SRSF11: variants seen among roughly 807,000 people sequenced by gnomAD.
The protein encoded by SRSF11 is serine and arginine rich splicing factor 11.
SRSF11 carries 9 observed loss-of-function variants against 56.0 expected under a neutral mutation model. That is an observed-to-expected ratio of 0.16 (90% CI 0.10 to 0.28). SRSF11 has a LOEUF of 0.28. Ranked by LOEUF, SRSF11 falls within the 10% of genes least tolerant of loss-of-function variation. SRSF11 has a pLI of 1.00. For missense variants in SRSF11, 421 were observed against 600.7 expected, an observed-to-expected ratio of 0.70 and a Z score of 3.13; for synonymous variants, 222 against 215.3, an observed-to-expected ratio of 1.03 and a Z score of -0.27.
chr1:70,250,467 C>T lies in SRSF11; in HGVS notation c.1221C>T (p.Asp407=). The T allele has an allele frequency of 6.2e-7, 1 of 1,600,912 alleles. No homozygotes were observed. The highest frequency in any genetic ancestry group is 2.2e-5 in the East Asian group (1 of 44,736). Residue 407 remains aspartate, a synonymous_variant, in exon 11 of 12, where the codon GAC becomes GAT. Transcript: ENST00000370949. The part of the protein sequence containing the change: ...KKKKSKDKEK[D]RERKSESDKD... ...AGAAGAGTAAAGATAAGGAAAAGGA[C>T]CGGGAAAGAAAATCAGAGAGTGATA...
At position 70,234,685 on chromosome 1, in the gene SRSF11, C is replaced by A. The variant is rs1673565767; in HGVS notation, c.448-11C>A. 1 of 1,581,228 alleles carries A rather than the reference C, an allele frequency of 6.3e-7. No individual in the cohort carries two copies. Among genetic ancestry groups the A allele is most frequent in the Non-Finnish European group, 8.6e-7 (1 of 1,169,084 alleles). ...TGAAGTTTTAAATAAATAAAATTTG[C>A]CATTTCACAGATTGGCGCTGTTCCA... is the stretch of plus-strand genomic sequence containing the variant. On this transcript the variant is annotated splice_polypyrimidine_tract_variant and intron_variant, in intron 3 of 11. Coordinates refer to ENST00000370949, the MANE Select transcript of SRSF11 (RefSeq NM_001350605.2).
chr1:70,213,903 AG>A (rs1669780801), intron 1 of SRSF11, among the ~76,000 whole-genome samples: 1 of 152,156 alleles, frequency 6.6e-6, no homozygotes, highest in East Asian at 1.9e-4. Flanking sequence ...AAGTGTTATG[AG>A]GATTGAAGGT....
intron 6 of SRSF11, 92 bp from the exon 7 acceptor site, chr1:70,239,347 C>T (rs1674807929): frequency 1.2e-6 from 1 of 831,638 alleles, no homozygotes; most frequent in Non-Finnish European, 1.9e-6. Context: ...CCACTTCAGC[C>T]TCTCATAGTG....
intron 5 of SRSF11, among the ~76,000 whole-genome samples, chr1:70,236,531 C>A (rs562339245): frequency 2.1e-3 from 312 of 151,920 alleles, no homozygotes; most frequent in African/African-American, 7.0e-3. Flanking sequence ...GGGGTTTCAC[C>A]GTGTTAGCCA....
chr1:70,220,334 A>G (rs553062019), upstream of SRSF11, among the ~76,000 whole-genome samples: 1 of 152,156 alleles, frequency 6.6e-6, no homozygotes, highest in South Asian at 2.1e-4. Context: ...TGTTTGGGGC[A>G]CTACAAGTCA....
intron 7 of SRSF11, among the ~76,000 whole-genome samples, chr1:70,243,059 A>G (rs927991847): frequency 3.9e-5 from 6 of 152,116 alleles, no homozygotes; most frequent in Non-Finnish European, 7.4e-5. Flanking sequence ...AATAACTCAA[A>G]TAGTTTATTG....
chr1:70,224,443 A>G (rs983149502), intron 1 of SRSF11, among the ~76,000 whole-genome samples: 3 of 152,108 alleles, frequency 2.0e-5, no homozygotes, highest in Admixed American at 2.0e-4. Context: ...CTTTTTTTCT[A>G]TAGCACCTGT....
Position 70,239,461 on chromosome 1 carries a change from G to A in SRSF11, c.741G>A (p.Arg247=), listed in dbSNP as rs200209651. ...TAGATAAGAAAGAAGAAAAAAGAAG[G>A]CATTCAAGATCAAGATCACGTTCTA... ...IEPDKKEEKR[R]HSRSRSRSRR... The change falls in exon 7 of 12, where the codon AGG becomes AGA. Residue 247 remains arginine (R), a synonymous_variant. Coordinates refer to ENST00000370949, the MANE Select transcript of SRSF11 (RefSeq NM_001350605.2). 1 of 1,606,580 alleles carries A rather than the reference G, an allele frequency of 6.2e-7. No individual in the cohort carries two copies. The highest frequency in any genetic ancestry group is 2.2e-5 in the East Asian group (1 of 44,542).
chr1:70,240,223 A>C (rs1675031116), intron 7 of SRSF11, among the ~76,000 whole-genome samples: 1 of 152,248 alleles, frequency 6.6e-6, no homozygotes, highest in Non-Finnish European at 1.5e-5. Context: ...TAATTCTGCT[A>C]CTATATTAAT....
rs1474510955 is a variant in SRSF11 at position 70,231,871 on chromosome 1, C to A, written c.338-397C>A. The A allele has an allele frequency of 2.0e-6, 3 of 1,492,050 alleles. No individual in the cohort carries two copies. The South Asian group carries it at 3.6e-5, about 18-fold the overall frequency. The allele number at this position is 1,492,050 out of a possible 1,614,324, so 92.4% of individuals were successfully genotyped here. A position where few individuals can be genotyped will look rare whatever the true frequency, so the allele number is the denominator to read the frequency against. ...GTGTGCTTTATAGTGAAGCAGCCGA[C>A]ACGAGTCGTTGTTCATAAAACAGCT... On this transcript the variant is annotated intron_variant, in intron 2 of 11. Coordinates refer to ENST00000370949, the MANE Select transcript of SRSF11 (RefSeq NM_001350605.2).
chr1:70,232,690 A>T (rs1421640490), intron 3 of SRSF11, among the ~76,000 whole-genome samples: 1 of 152,212 alleles, frequency 6.6e-6, no homozygotes, highest in African/African-American at 2.4e-5. Context: ...ATTCATTTGG[A>T]CCAGGAAAGA....
intron 1 of SRSF11, chr1:70,222,797 T>C (rs527856277): frequency 2.0e-5 from 3 of 152,230 alleles, no homozygotes; most frequent in South Asian, 2.1e-4. Flanking sequence ...TCTACTGTTA[T>C]GGTACGTGTA....
At chr1:70,236,086 CTA>C (rs1003238446) in intron 5 of SRSF11, among the ~76,000 whole-genome samples, 15 of 151,994 alleles carry the variant, frequency 9.9e-5, no homozygotes, top group Non-Finnish European at 2.1e-4. Context: ...GTGAAAGTCA[CTA>C]TCAGTAAGTG....
chr1:70,232,124 A>T (rs756357078), intron 2 of SRSF11, 144 bp from the exon 3 acceptor site: 2 of 1,551,566 alleles, frequency 1.3e-6, no homozygotes, highest in African/African-American at 2.7e-5. Flanking sequence ...ATAAATAATC[A>T]TAGAAATCAA....
At chr1:70,235,872 G>A (rs1391127531) in intron 5 of SRSF11, among the ~76,000 whole-genome samples, 1 of 152,184 alleles carries the variant, frequency 6.6e-6, no homozygotes, top group Admixed American at 6.5e-5. Flanking sequence ...GCAAAGCTGA[G>A]GGAATCACTA....
chr1:70,206,344 G>A (rs1669018255), intron 1 of SRSF11, among the ~76,000 whole-genome samples: 2 of 151,720 alleles, frequency 1.3e-5, no homozygotes, highest in Admixed American at 1.3e-4. Flanking sequence ...CGCTTTTAAA[G>A]CTCATTCCTT....
intron 2 of SRSF11, chr1:70,231,900 G>T: frequency 1.3e-6 from 2 of 1,516,174 alleles, no homozygotes; most frequent in East Asian, 2.5e-5. Flanking sequence ...AACAGCTTTT[G>T]AAAGTTGAGA....
intron 5 of SRSF11, 117 bp from the exon 6 acceptor site, chr1:70,237,308 C>T: frequency 7.7e-7 from 1 of 1,291,168 alleles, no homozygotes; most frequent in Non-Finnish European, 1.1e-6. Flanking sequence ...GGAGTCCTCC[C>T]CTCCCTTTTT....
At chr1:70,220,645 T>G (rs1325903870), upstream of SRSF11, among the ~76,000 whole-genome samples, 1 of 151,750 alleles carries the variant, frequency 6.6e-6, no homozygotes, top group Non-Finnish European at 1.5e-5. Flanking sequence ...AGGTCAGGAG[T>G]TGGAGACCAG....
Sources: gnomAD v4.1 joint callset for allele counts (sites outside exome capture counted in the v4.1 genomes callset) on GRCh38, gnomAD v4.1.1 for gene constraint, MANE v1.5 for transcripts, NCBI Gene and HGNC (gene_info 2026-07-23, HGNC 2026-07-21) for gene names.